The following TOGARAM1 variants were observed in gnomAD, a reference collection of about 807,000 sequenced individuals.
TOGARAM1 encodes the protein TOG array regulator of axonemal microtubules protein 1.
In TOGARAM1, 100 loss-of-function variants were observed where a neutral mutation model predicts 166.6. The ratio of observed to expected loss-of-function variants is 0.60; its 90% CI spans 0.51 to 0.71. The LOEUF (loss-of-function observed/expected upper bound fraction) is 0.71, where lower values mean the gene tolerates loss of function less well. Among genes scored for constraint, TOGARAM1 ranks in the 30% least tolerant of loss-of-function variants. TOGARAM1 has a pLI of 0.00. For missense variants in TOGARAM1, 2,029 were observed against 2,102.7 expected (o/e 0.96, Z 0.69); for synonymous variants, 758 against 763.8 (o/e 0.99, Z 0.13).
At chr14:45,019,879 T>C (rs945850521) in intron 7 of TOGARAM1, among the ~76,000 whole-genome samples, 10 of 152,146 alleles carry the variant, frequency 6.6e-5, no homozygotes, top group Non-Finnish European at 1.5e-4. Flanking sequence ...TCTAACTGCT[T>C]CCTGCTGAAT....
At chr14:45,043,848 CT>C in intron 12 of TOGARAM1, 57 bp downstream of exon 12, 1 of 1,003,178 alleles carries the variant, frequency 1.0e-6, no homozygotes, top group Non-Finnish European at 1.6e-6. Flanking sequence ...GATAAATATG[CT>C]ATGTTTATTT....
At chr14:45,060,332 T>TAGGA (rs1882850008) in intron 16 of TOGARAM1, among the ~76,000 whole-genome samples, 1 of 151,450 alleles carries the variant, frequency 6.6e-6, no homozygotes, top group South Asian at 2.1e-4. Flanking sequence ...TCTCCTGCCT[T>TAGGA]GGCCTCCTAA....
chr14:44,963,384 T>C lies in TOGARAM1; in HGVS notation c.963T>C (p.Tyr321=), dbSNP rs773074501. The C allele has an allele frequency of 9.9e-6, 16 of 1,614,046 alleles. No individual in the cohort carries two copies. Among genetic ancestry groups the C allele is most frequent in the African/African-American group, 1.3e-5 (1 of 74,910 alleles). ...LESQFGSQVP[Y]YLELEASGFP... ...CCCAGTTTGGAAGTCAGGTTCCTTATTATTTGGAACTTGAAGCCTCTGGAT... is the reference window on the plus strand; with the variant it reads ...CCCAGTTTGGAAGTCAGGTTCCTTACTATTTGGAACTTGAAGCCTCTGGAT... The change falls in exon 1 of 20, where the codon TAT becomes TAC. Residue 321 remains tyrosine, a synonymous_variant. Coordinates refer to ENST00000361462, the MANE Select transcript of TOGARAM1 (RefSeq NM_001308120.2).
chr14:45,016,188 G>T (rs1880124791), intron 7 of TOGARAM1, among the ~76,000 whole-genome samples: 1 of 152,088 alleles, frequency 6.6e-6, no homozygotes, highest in African/African-American at 2.4e-5. Context: ...TTGAGCTCAG[G>T]GGTTTGAGAC....
intron 1 of TOGARAM1, among the ~76,000 whole-genome samples, chr14:44,968,650 C>T (rs372284840): frequency 6.6e-6 from 1 of 152,180 alleles, no homozygotes; most frequent in South Asian, 2.1e-4. Context: ...ACCTGACCCA[C>T]CTCATCCGGT....
At chr14:45,004,517 A>G (rs943477441) in intron 4 of TOGARAM1, 151 bp downstream of exon 4, 5 of 622,046 alleles carry the variant, frequency 8.0e-6, no homozygotes, top group Non-Finnish European at 1.1e-5. Flanking sequence ...ATAGTGTGTT[A>G]AATAAATCAA....
chr14:44,987,574 A>G (rs1033685319), intron 1 of TOGARAM1, among the ~76,000 whole-genome samples: 1 of 151,880 alleles, frequency 6.6e-6, no homozygotes, highest in Non-Finnish European at 1.5e-5. Context: ...CACACCAGTT[A>G]GAATGGCAAT....
chr14:44,975,928 T>TA (rs1015428994), intron 1 of TOGARAM1, among the ~76,000 whole-genome samples: 3 of 152,046 alleles, frequency 2.0e-5, no homozygotes, highest in African/African-American at 7.2e-5. Context: ...CCATGATTTA[T>TA]AAAATCTTCT....
intron 7 of TOGARAM1, among the ~76,000 whole-genome samples, chr14:45,021,954 G>A (rs902178625): frequency 2.0e-5 from 3 of 152,070 alleles, no homozygotes; most frequent in Non-Finnish European, 4.4e-5. Context: ...GCTAAGTCCT[G>A]CTTTTTGGGG....
At chr14:45,059,989 T>C (rs781721546) in intron 16 of TOGARAM1, among the ~76,000 whole-genome samples, 39 of 150,720 alleles carry the variant, frequency 2.6e-4, no homozygotes, top group Non-Finnish European at 4.9e-4. Flanking sequence ...CTCGGCTCAC[T>C]GCAAGCTCCG....
At chr14:44,997,404 C>CAAAAAA (rs1167788236) in intron 2 of TOGARAM1, 16 of 20,850 alleles carry the variant, frequency 7.7e-4, no homozygotes, top group African/African-American at 1.9e-3. Flanking sequence ...GACTCCATCT[C>CAAAAAA]AAAAAAAAAA....
chr14:45,015,480 T>C (rs527431358), intron 7 of TOGARAM1, among the ~76,000 whole-genome samples: 37 of 151,672 alleles, frequency 2.4e-4, no homozygotes, highest in Non-Finnish European at 4.9e-4. Flanking sequence ...ATGGTTGTAA[T>C]AGCTGCAGAG....
chr14:44,974,397 G>C (rs555339257), intron 1 of TOGARAM1, among the ~76,000 whole-genome samples: 12 of 151,658 alleles, frequency 7.9e-5, no homozygotes, highest in Admixed American at 7.9e-4. Flanking sequence ...TTATCCTTTT[G>C]TTCTTACATG....
chr14:45,022,924 G>A (rs1880608314), intron 7 of TOGARAM1: 1 of 152,162 alleles, frequency 6.6e-6, no homozygotes, highest in African/African-American at 2.4e-5. Context: ...TCCCTCGGAA[G>A]TTAGGAATTC....
chr14:45,041,472 C>T (rs1165966161), intron 11 of TOGARAM1, among the ~76,000 whole-genome samples: 4 of 152,146 alleles, frequency 2.6e-5, no homozygotes, highest in East Asian at 1.9e-4. Flanking sequence ...AAAGTTTTTA[C>T]GAAGATACCA....
At chr14:45,071,609 C>T in intron 18 of TOGARAM1, 103 bp from the exon 19 acceptor site, 1 of 678,882 alleles carries the variant, frequency 1.5e-6, no homozygotes, top group South Asian at 2.2e-5. Flanking sequence ...TATACATTTG[C>T]ATCCTAGAAG....
intron 1 of TOGARAM1, among the ~76,000 whole-genome samples, chr14:44,994,475 G>A (rs1887319919): frequency 6.6e-6 from 1 of 152,046 alleles, no homozygotes; most frequent in Non-Finnish European, 1.5e-5. Flanking sequence ...CTGGAGTGCA[G>A]TGGCACAATA....
At chr14:45,020,807 T>C (rs972282068) in intron 7 of TOGARAM1, among the ~76,000 whole-genome samples, 3 of 152,184 alleles carry the variant, frequency 2.0e-5, no homozygotes, top group Middle Eastern at 6.3e-3. Flanking sequence ...GTTTGAGGTA[T>C]GGGTTATTTC....
rs188299008 is a variant in TOGARAM1 at position 44,963,796 on chromosome 14, T to G, written c.1375T>G (p.Phe459Val). 1.6e-4 allele frequency: 255 copies of G among 1,614,112 alleles called. No homozygotes were observed. Among genetic ancestry groups the G allele is most frequent in the Admixed American group, 3.2e-4 (19 of 60,014 alleles). Residue 459 changes from phenylalanine (F) to valine (V), a missense_variant, in exon 1 of 20, where the codon TTC (phenylalanine) becomes GTC (valine). Phe to Val is a conservative substitution (Grantham distance 50, BLOSUM62 -1). Around this residue, in one of 2 missense-constraint regions of TOGARAM1, gnomAD observed 1,453 missense variants for 1,432.2 expected, o/e 1.01. Transcript: ENST00000361462. Reference sequence around the variant, plus strand: ...GATCAAACAAGAATACATGAAAATCTTCCTCAAGCTAATGAAGGAAGTAGG... The same window carrying G: ...GATCAAACAAGAATACATGAAAATCGTCCTCAAGCTAATGAAGGAAGTAGG... ...LVIKQEYMKI[F>V]LKLMKEVGPQ...
Sources: gnomAD v4.1 joint callset for allele counts (sites outside exome capture counted in the v4.1 genomes callset) on GRCh38, gnomAD v4.1.1 for gene constraint, gnomAD v4.1.1 regional missense constraint, MANE v1.5 for transcripts, NCBI Gene and HGNC (gene_info 2026-07-23, HGNC 2026-07-21) for gene names.